GSTT4: variants seen among roughly 807,000 people sequenced by gnomAD.
The protein encoded by GSTT4 is glutathione S-transferase theta 4.
downstream of GSTT4, among the ~76,000 whole-genome samples, chr22:23,995,946 CTTATT>C (rs1324255758): frequency 4.6e-5 from 7 of 151,846 alleles, 1 homozygote; most frequent in Admixed American, 2.0e-4. Flanking sequence ...CCTTGCTGAA[CTTATT>C]TTATTTTATT....
downstream of GSTT4, among the ~76,000 whole-genome samples, chr22:23,995,496 A>T (rs1349068512): frequency 1.3e-5 from 2 of 152,184 alleles, no homozygotes; most frequent in Non-Finnish European, 2.9e-5. Context: ...TACATAGAAG[A>T]GTGATATTCC....
the GSTT4 span, among the ~76,000 whole-genome samples, chr22:23,990,653 T>TAAATAAACAAAC: frequency 5.9e-3 from 335 of 56,526 alleles, 5 homozygotes; most frequent in African/African-American, 8.6e-3. Flanking sequence ...AATAAATAAA[T>TAAATAAACAAAC]AAACAAACAA....
chr22:23,997,410 A>G (rs1452193915), downstream of GSTT4, among the ~76,000 whole-genome samples: 2 of 152,150 alleles, frequency 1.3e-5, no homozygotes, highest in South Asian at 2.1e-4. Flanking sequence ...ATTTTTTAGA[A>G]AAAAGTCTCA....
intron 2 of GSTT4, among the ~76,000 whole-genome samples, chr22:24,002,241 A>G (rs1331563070): frequency 3.3e-5 from 5 of 152,218 alleles, no homozygotes; most frequent in African/African-American, 1.2e-4. Flanking sequence ...CTGGTGCTGG[A>G]TGGAGGGTGA....
chr22:23,993,798 A>G (rs2034090211), downstream of GSTT4, among the ~76,000 whole-genome samples: 1 of 152,126 alleles, frequency 6.6e-6, no homozygotes, highest in Non-Finnish European at 1.5e-5. Flanking sequence ...CGTGATATAC[A>G]ACATGGCTGC....
At chr22:23,996,391 T>C (rs565174211), downstream of GSTT4, among the ~76,000 whole-genome samples, 2 of 152,256 alleles carry the variant, frequency 1.3e-5, no homozygotes, top group South Asian at 2.1e-4. Flanking sequence ...TAAGTAGAAG[T>C]AGTGTGAATG....
chr22:23,995,083 G>C (rs1288041426), downstream of GSTT4, among the ~76,000 whole-genome samples: 1 of 152,046 alleles, frequency 6.6e-6, no homozygotes, highest in African/African-American at 2.4e-5. Flanking sequence ...CCTCCATGAT[G>C]TTTGTAGCTG....
intron 1 of GSTT4, chr22:24,004,119 A>G (rs1006426301): frequency 6.5e-6 from 1 of 153,552 alleles, no homozygotes; most frequent in Non-Finnish European, 1.4e-5. Flanking sequence ...TTTTACCCAG[A>G]AGCTGGAGGC....
In GSTT4 at chr22:23,998,602, A is replaced by T. The variant is rs1167514488; in HGVS notation, c.666T>A (p.Phe222Leu). ...CCTTGACCATTGAATCCAATGTTGA[A>T]AAGTCCCAGTCGGCCAACTGCATTA... The part of the protein sequence containing the change: ...DRLMQLADWD[F>L]STLDSMVKEN... The change falls in exon 5 of 5, where the codon TTT (phenylalanine) becomes TTA (leucine). Residue 222 changes from phenylalanine to leucine, a missense_variant. By Grantham distance (22) the Phe-to-Leu change is conservative. Coordinates refer to ENST00000621179, the MANE Select transcript of GSTT4 (RefSeq NM_001358664.2). 4 of 155,140 alleles carry T rather than the reference A, an allele frequency of 2.6e-5. No individual in the cohort carries two copies. The highest frequency in any genetic ancestry group is 2.9e-5 in the Non-Finnish European group (2 of 68,202). The allele number at this position is 155,140 out of a possible 1,614,324, so 9.6% of individuals were successfully genotyped here.
At chr22:23,996,934 A>G (rs2146223358), downstream of GSTT4, among the ~76,000 whole-genome samples, 1 of 152,210 alleles carries the variant, frequency 6.6e-6, no homozygotes, top group African/African-American at 2.4e-5. Flanking sequence ...TTTTGGTTGA[A>G]TTCACCAGGG....
At chr22:23,992,047 C>A in the GSTT4 span, among the ~76,000 whole-genome samples, 1 of 56,952 alleles carries the variant, frequency 1.8e-5, no homozygotes, top group Middle Eastern at 8.1e-3. Context: ...AGCCATACTC[C>A]GTCTCAAAAA....
rs76604857 is a variant in GSTT4, at chr22:24,000,801, T to G, written c.351+374A>C. Among the ~76,000 whole-genome samples the G allele has an allele frequency of 8.5e-4, 99 of 116,060 alleles. 4 individuals carry two copies. The highest frequency in any genetic ancestry group is 3.6e-3 in the Middle Eastern group (1 of 276). 76.1% of individuals were successfully genotyped at this position (116,060 alleles called of 152,430 possible). ...GTCTTGAACTCCTGACCTCAAGTGA[T>G]CTGCCCGCCTCGGCCTCCCAAAGTA... On this transcript the variant is annotated intron_variant, in intron 3 of 4. Coordinates refer to ENST00000621179, the MANE Select transcript of GSTT4 (RefSeq NM_001358664.2).
At chr22:24,003,397 A>G (rs2034279615) in intron 2 of GSTT4, among the ~76,000 whole-genome samples, 2 of 151,290 alleles carry the variant, frequency 1.3e-5, no homozygotes, top group African/African-American at 4.9e-5. Flanking sequence ...TTTTGTAGAG[A>G]TGGGGTTTTG....
chr22:23,999,425 C>T (rs995942319), intron 4 of GSTT4, among the ~76,000 whole-genome samples: 8 of 138,814 alleles, frequency 5.8e-5, no homozygotes, highest in Admixed American at 3.0e-4. Flanking sequence ...GGTCAATCCA[C>T]CAGGACCCCA....
chr22:23,995,631 T>G (rs1435907026), downstream of GSTT4, among the ~76,000 whole-genome samples: 4 of 152,192 alleles, frequency 2.6e-5, no homozygotes, highest in Non-Finnish European at 4.4e-5. Flanking sequence ...TGTCCATGTC[T>G]ATGTTGCCAA....
At chr22:23,997,023 C>T (rs2034123272), downstream of GSTT4, among the ~76,000 whole-genome samples, 1 of 151,148 alleles carries the variant, frequency 6.6e-6, no homozygotes, top group Non-Finnish European at 1.5e-5. Context: ...TGTTACAGGC[C>T]TATTAAAATT....
At chr22:23,999,952 C>T (rs6004019) in intron 4 of GSTT4, 123 bp downstream of exon 4, 1,658 of 153,824 alleles carry the variant, frequency 0.011, no homozygotes, top group African/African-American at 0.038. Flanking sequence ...GTTCCCGCAG[C>T]CCCCATGGCA....
intron 2 of GSTT4, among the ~76,000 whole-genome samples, chr22:24,001,898 C>T (rs1007918374): frequency 0.046 from 6,881 of 150,932 alleles, no homozygotes; most frequent in African/African-American, 0.16. Flanking sequence ...AGCTGAGGCA[C>T]GGGAGTCACT....
intron 2 of GSTT4, among the ~76,000 whole-genome samples, chr22:24,003,382 G>A (rs919234675): frequency 6.6e-6 from 1 of 152,174 alleles, no homozygotes; most frequent in African/African-American, 2.4e-5. Context: ...GCTAATTTTT[G>A]TATTTTTTGT....
Sources: gnomAD v4.1 joint callset for allele counts (sites outside exome capture counted in the v4.1 genomes callset) on GRCh38, gnomAD v4.1.1 for gene constraint, MANE v1.5 for transcripts, NCBI Gene and HGNC (gene_info 2026-07-23, HGNC 2026-07-21) for gene names.